The following TBCK variants were observed in gnomAD, a reference collection of about 807,000 sequenced individuals.
The protein encoded by TBCK is TBC1 domain containing kinase.
In TBCK, 99 loss-of-function variants were observed where a neutral mutation model predicts 113.4. The ratio of observed to expected loss-of-function variants is 0.87; its 90% CI spans 0.74 to 1.03. TBCK has a LOEUF of 1.03. Among genes scored for constraint, TBCK ranks in the 50% least tolerant of loss-of-function variants. The pLI is 0.00. For missense variants in TBCK, 1,045 were observed against 1,061.3 expected (o/e 0.98, Z 0.21); for synonymous variants, 369 against 370.8 (o/e 1.00, Z 0.05).
intron 24 of TBCK, among the ~76,000 whole-genome samples, chr4:106,108,115 T>G (rs190607954): frequency 7.2e-5 from 11 of 152,176 alleles, no homozygotes; most frequent in Non-Finnish European, 1.2e-4. Flanking sequence ...CAGTAATAAA[T>G]AGCCTACCAA....
At position 106,256,971 on chromosome 4, in the gene TBCK, G is replaced by A. The variant is rs4579198; in HGVS notation, c.455+3466C>T. 5.2e-3 allele frequency among the ~76,000 whole-genome samples: 796 copies of A among 151,962 alleles called. 10 individuals are homozygous for A. Among genetic ancestry groups the A allele is most frequent in the African/African-American group, 0.018 (749 of 41,438 alleles). ...GAACTACATACCTGAGGGCACTTGC[G>A]TATCTTTTTATAAACCCTCTACAAC... On this transcript the variant is annotated intron_variant, in intron 5 of 25. Coordinates refer to ENST00000394708, the MANE Select transcript of TBCK (RefSeq NM_001163435.3).
At chr4:106,180,538 C>T (rs113328975) in intron 22 of TBCK, among the ~76,000 whole-genome samples, 4,088 of 152,080 alleles carry the variant, frequency 0.027, 179 homozygotes, top group African/African-American at 0.094. Context: ...TTCCCCTAGC[C>T]CCCACCCCGC....
chr4:106,265,532 AAGAG>A lies in TBCK; in HGVS notation c.267-3324_267-3321del, dbSNP rs1054631644. The stretch of plus-strand genomic sequence containing the variant: ...GGAGAGAGAGAGATCCAGAGATCCA[AAGAG>A]AGAGAGAGAGAGCAAGAGGGAAAGA... On this transcript the variant is annotated intron_variant, in intron 3 of 25. Coordinates refer to ENST00000394708, the MANE Select transcript of TBCK (RefSeq NM_001163435.3). Among the ~76,000 whole-genome samples the A allele has an allele frequency of 7.8e-5, 10 of 128,716 alleles. No homozygotes were observed. In the South Asian group the frequency reaches 1.6e-3, roughly 20 times the overall value. 84.4% of individuals were successfully genotyped at this position (128,716 alleles called of 152,430 possible). A position where few individuals can be genotyped will look rare whatever the true frequency, so the allele number is the denominator to read the frequency against.
chr4:106,095,545 C>T lies in TBCK; in HGVS notation c.2508G>A (p.Met836Ile), dbSNP rs1488867091. The change falls in exon 25 of 26, where the codon ATG (methionine) becomes ATA (isoleucine). Residue 836 changes from methionine to isoleucine, a missense_variant. Met to Ile is a conservative substitution (Grantham distance 10). Coordinates refer to ENST00000394708, the MANE Select transcript of TBCK (RefSeq NM_001163435.3). ...TGACCTTCCCTTTGAAGTTCTGGAG[C>T]ATAGCAGTGTAAGGGCCCTGGGTAA... ...GELTQGPYTA[M>I]LQNFKGKVIV... 1 of 1,614,000 alleles carries T rather than the reference C, an allele frequency of 6.2e-7. No individual in the cohort carries two copies. Among genetic ancestry groups the T allele is most frequent in the Non-Finnish European group, 8.5e-7 (1 of 1,179,996 alleles).
intron 25 of TBCK, among the ~76,000 whole-genome samples, chr4:106,092,988 A>G (rs1291003175): frequency 6.6e-6 from 1 of 152,192 alleles, no homozygotes; most frequent in Non-Finnish European, 1.5e-5. Flanking sequence ...TGGAGATTAC[A>G]TTTCAACATG....
At position 106,236,371 on chromosome 4, in the gene TBCK, T is replaced by C. The variant is rs746426081; in HGVS notation, c.1350+19A>G. 1.3e-5 allele frequency: 18 copies of C among 1,434,238 alleles called. No homozygotes were observed. The highest frequency in any genetic ancestry group is 1.6e-5 in the Non-Finnish European group (17 of 1,089,902). The allele number at this position is 1,434,238 out of a possible 1,614,324, so 88.8% of individuals were successfully genotyped here. A position where few individuals can be genotyped will look rare whatever the true frequency, so the allele number is the denominator to read the frequency against. On this transcript the variant is annotated intron_variant, in intron 14 of 25. Transcript: ENST00000394708. The stretch of plus-strand genomic sequence containing the variant: ...TCCATATGGGCTATTGTTAACACTT[T>C]ATACTTTAGAATCCATACCTTTAGC...
chr4:106,078,547 T>C (rs1271712605), intron 25 of TBCK, among the ~76,000 whole-genome samples: 1 of 152,144 alleles, frequency 6.6e-6, no homozygotes, highest in Non-Finnish European at 1.5e-5. Context: ...CATTGATAAA[T>C]TCCTGGAAAC....
upstream of TBCK, chr4:106,316,260 C>T: frequency 3.0e-6 from 1 of 338,870 alleles, no homozygotes; most frequent in Non-Finnish European, 5.5e-6. Context: ...CACCGCGACC[C>T]AACGCTGAGG....
At chr4:106,306,900 C>G (rs1388312599) in intron 2 of TBCK, among the ~76,000 whole-genome samples, 2 of 152,150 alleles carry the variant, frequency 1.3e-5, no homozygotes, top group Non-Finnish European at 2.9e-5. Flanking sequence ...TAAAAGAAGT[C>G]TCAATAAAAT....
intron 20 of TBCK, among the ~76,000 whole-genome samples, chr4:106,204,708 A>G (rs1755250649): frequency 1.3e-5 from 2 of 151,718 alleles, no homozygotes; most frequent in Admixed American, 6.6e-5. Flanking sequence ...TGGTTTCTGC[A>G]AGAAATACTA....
At chr4:106,220,051 G>T (rs975704011) in intron 19 of TBCK, among the ~76,000 whole-genome samples, 1 of 152,128 alleles carries the variant, frequency 6.6e-6, no homozygotes, top group Non-Finnish European at 1.5e-5. Flanking sequence ...AGTACAAGTA[G>T]TCTTCCCTTA....
At position 106,046,608 on chromosome 4, in the gene TBCK, G is replaced by C; in HGVS notation, c.2644C>G (p.Pro882Ala). Residue 882 changes from proline to alanine, a missense_variant, in exon 26 of 26, where the codon CCA becomes GCA. Transcript: ENST00000394708. ...ILDGGINKIK[P>A]TGLLTIPSPQ... ...GATGGGATGGTGAGGAGGCCTGTTGGCTTTATTTTATTAATGCCACCATCT... is the reference window on the plus strand; with the variant it reads ...GATGGGATGGTGAGGAGGCCTGTTGCCTTTATTTTATTAATGCCACCATCT... The C allele has an allele frequency of 6.2e-7, 1 of 1,611,844 alleles. No individual in the cohort carries two copies. The highest frequency in any genetic ancestry group is 8.5e-7 in the Non-Finnish European group (1 of 1,178,236).
chr4:106,163,889 T>C (rs567072521), intron 23 of TBCK, among the ~76,000 whole-genome samples: 1 of 152,232 alleles, frequency 6.6e-6, no homozygotes, highest in African/African-American at 2.4e-5. Context: ...ACTTGGAATA[T>C]AGAAAGAAAA....
At chr4:106,180,941 C>T (rs1053102320) in intron 22 of TBCK, among the ~76,000 whole-genome samples, 6 of 152,080 alleles carry the variant, frequency 3.9e-5, no homozygotes, top group African/African-American at 1.4e-4. Flanking sequence ...GTTCTAGATC[C>T]TTGAGGAATC....
chr4:106,096,454 T>G (rs1416029242), intron 24 of TBCK, among the ~76,000 whole-genome samples: 2 of 152,234 alleles, frequency 1.3e-5, no homozygotes, highest in Non-Finnish European at 2.9e-5. Flanking sequence ...TGTTTCCATA[T>G]TTATCAAACA....
intron 1 of TBCK, among the ~76,000 whole-genome samples, chr4:106,313,450 G>T (rs1460382519): frequency 6.6e-6 from 1 of 152,006 alleles, no homozygotes; most frequent in Non-Finnish European, 1.5e-5. Context: ...TCTATATACA[G>T]CCAAATTATC....
intron 20 of TBCK, among the ~76,000 whole-genome samples, chr4:106,201,712 G>T (rs1754904358): frequency 6.6e-6 from 1 of 151,700 alleles, no homozygotes; most frequent in African/African-American, 2.4e-5. Flanking sequence ...AAAGGAAGGG[G>T]GATAATTTTC....
At chr4:106,176,207 T>C (rs1044028162) in intron 22 of TBCK, among the ~76,000 whole-genome samples, 1 of 152,232 alleles carries the variant, frequency 6.6e-6, no homozygotes, top group African/African-American at 2.4e-5. Flanking sequence ...TTTTGAAATA[T>C]ATAACAAATT....
intron 23 of TBCK, among the ~76,000 whole-genome samples, chr4:106,150,915 AGCTTTGAATTAAGCTCTG>A (rs1748404964): frequency 6.6e-6 from 1 of 152,090 alleles, no homozygotes; most frequent in Non-Finnish European, 1.5e-5. Flanking sequence ...TATTTCTCAG[AGCTTTGAATTAAGCTCTG>A]AGGGTCCAAT....
Sources: gnomAD v4.1 joint callset for allele counts (sites outside exome capture counted in the v4.1 genomes callset) on GRCh38, gnomAD v4.1.1 for gene constraint, MANE v1.5 for transcripts, NCBI Gene and HGNC (gene_info 2026-07-23, HGNC 2026-07-21) for gene names.